The following SPAG16 variants were observed in gnomAD, a reference collection of about 807,000 sequenced individuals.
The protein encoded by SPAG16 is sperm-associated antigen 16 protein.
In SPAG16, 86 loss-of-function variants were observed where a neutral mutation model predicts 80.4. That is an observed-to-expected ratio of 1.07 (90% CI 0.90 to 1.28). The LOEUF is 1.28. Ranked by LOEUF, SPAG16 falls within the 50% of genes most tolerant of loss-of-function variation. The pLI is 0.00. For synonymous variants in SPAG16, 294 were observed against 265.9 expected (o/e 1.11, Z -1.03); for missense variants, 870 against 765.3 (o/e 1.14, Z -1.61).
intron 9 of SPAG16, among the ~76,000 whole-genome samples, chr2:213,378,329 A>G (rs577595778): frequency 6.6e-6 from 1 of 152,342 alleles, no homozygotes; most frequent in South Asian, 2.1e-4. Flanking sequence ...AGTATTAACC[A>G]TCACAAGTCC....
intron 10 of SPAG16, 33 bp downstream of exon 10, chr2:213,490,123 A>G (rs768412563): frequency 6.5e-7 from 1 of 1,537,958 alleles, no homozygotes; most frequent in South Asian, 1.3e-5. Context: ...AATACTTTTG[A>G]GATTTTATTT....
At chr2:214,038,947 G>A (rs1023224394) in intron 13 of SPAG16, among the ~76,000 whole-genome samples, 6 of 152,088 alleles carry the variant, frequency 3.9e-5, no homozygotes, top group African/African-American at 7.2e-5. Context: ...TATCATTGAC[G>A]GACATTTGGG....
At chr2:214,059,026 T>G (rs1439048638) in intron 13 of SPAG16, among the ~76,000 whole-genome samples, 1 of 151,742 alleles carries the variant, frequency 6.6e-6, no homozygotes, top group Non-Finnish European at 1.5e-5. Context: ...ATGTAAAATC[T>G]GACCAGTCAG....
chr2:213,610,760 A>T lies in SPAG16; in HGVS notation c.1070+120670A>T, dbSNP rs192433231. Among the ~76,000 whole-genome samples, 408 of 152,296 alleles carry T rather than the reference A, an allele frequency of 2.7e-3. 1 individual carries two copies. The highest frequency in any genetic ancestry group is 9.4e-3 in the African/African-American group (389 of 41,568). On this transcript the variant is annotated intron_variant, in intron 10 of 15. Transcript: ENST00000331683. ...CGTCTACCCTAGGTACAATGCTTGT[A>T]TATATATAGGATTAAAAAAAGGTCA...
intron 10 of SPAG16, among the ~76,000 whole-genome samples, chr2:213,730,693 T>A (rs2066991313): frequency 6.6e-6 from 1 of 152,222 alleles, no homozygotes; most frequent in South Asian, 2.1e-4. Flanking sequence ...GCTTCCTGAA[T>A]ATTTGGTTTA....
chr2:213,945,754 G>T (rs979941036), intron 12 of SPAG16, among the ~76,000 whole-genome samples: 2 of 152,096 alleles, frequency 1.3e-5, no homozygotes, highest in Non-Finnish European at 2.9e-5. Context: ...AAAGCAGGAA[G>T]TGTGCACTCA....
chr2:214,193,395 A>ATGTGTGTGTGTG (rs60839638), intron 15 of SPAG16, among the ~76,000 whole-genome samples: 181 of 124,370 alleles, frequency 1.5e-3, no homozygotes, highest in Non-Finnish European at 2.5e-3. Context: ...GAGATCTTTT[A>ATGTGTGTGTGTG]TGTGTGTGTG....
At chr2:213,673,173 G>C (rs2063890943) in intron 10 of SPAG16, among the ~76,000 whole-genome samples, 1 of 152,000 alleles carries the variant, frequency 6.6e-6, no homozygotes, top group Non-Finnish European at 1.5e-5. Context: ...GACTGCCACA[G>C]CATTTGGTAA....
At chr2:214,040,294 C>G (rs1162833979) in intron 13 of SPAG16, among the ~76,000 whole-genome samples, 1 of 152,026 alleles carries the variant, frequency 6.6e-6, no homozygotes, top group East Asian at 1.9e-4. Flanking sequence ...CTCTTTCTTC[C>G]ATTCTTTTAA....
chr2:214,035,548 A>T (rs1313836796), intron 13 of SPAG16, among the ~76,000 whole-genome samples: 1 of 152,196 alleles, frequency 6.6e-6, no homozygotes, highest in East Asian at 1.9e-4. Flanking sequence ...GAGTGTGCAC[A>T]CACTGGCAAC....
chr2:213,653,458 T>G (rs1271371478), intron 10 of SPAG16, among the ~76,000 whole-genome samples: 1 of 152,176 alleles, frequency 6.6e-6, no homozygotes, highest in Non-Finnish European at 1.5e-5. Flanking sequence ...TATATACAGA[T>G]AGTAAATACC....
chr2:214,072,609 G>A (rs745786345), intron 13 of SPAG16, among the ~76,000 whole-genome samples: 3 of 152,090 alleles, frequency 2.0e-5, no homozygotes, highest in African/African-American at 7.2e-5. Context: ...AATAATATGA[G>A]TTTGAAGATA....
chr2:213,596,260 T>C (rs901050232), intron 10 of SPAG16, among the ~76,000 whole-genome samples: 1 of 152,128 alleles, frequency 6.6e-6, no homozygotes, highest in Non-Finnish European at 1.5e-5. Flanking sequence ...TACATGTTGA[T>C]TTGAACTTTG....
intron 15 of SPAG16, among the ~76,000 whole-genome samples, chr2:214,180,137 A>T (rs1260089583): frequency 1.3e-5 from 2 of 151,620 alleles, no homozygotes; most frequent in African/African-American, 4.8e-5. Context: ...AAACCACCAG[A>T]AATTATAATA....
intron 12 of SPAG16, among the ~76,000 whole-genome samples, chr2:213,979,250 TA>T (rs537547069): frequency 1.1e-4 from 16 of 150,630 alleles, no homozygotes; most frequent in Middle Eastern, 3.4e-3. Flanking sequence ...CTTTTTAAAT[TA>T]AAAAAAAAGA....
chr2:213,543,337 C>G (rs1193240668), intron 10 of SPAG16, among the ~76,000 whole-genome samples: 3 of 151,812 alleles, frequency 2.0e-5, no homozygotes, highest in Non-Finnish European at 4.4e-5. Flanking sequence ...ATATTGATCC[C>G]TTGTCAGTTT....
intron 10 of SPAG16, among the ~76,000 whole-genome samples, chr2:213,656,771 T>C (rs956417186): frequency 6.6e-6 from 1 of 152,224 alleles, no homozygotes; most frequent in African/African-American, 2.4e-5. Context: ...TTGAAGAATC[T>C]CAATATTTTA....
intron 10 of SPAG16, among the ~76,000 whole-genome samples, chr2:213,764,518 A>AT (rs970079462): frequency 2.6e-5 from 4 of 151,962 alleles, no homozygotes; most frequent in Non-Finnish European, 4.4e-5. Flanking sequence ...TATTCCACAT[A>AT]TTTTTTTTAA....
intron 13 of SPAG16, among the ~76,000 whole-genome samples, chr2:214,075,369 AC>A (rs1174294515): frequency 1.3e-5 from 2 of 152,088 alleles, no homozygotes; most frequent in African/African-American, 4.8e-5. Context: ...CATAATTAAT[AC>A]CATTTATGTA....
Sources: gnomAD v4.1 joint callset for allele counts (sites outside exome capture counted in the v4.1 genomes callset) on GRCh38, gnomAD v4.1.1 for gene constraint, MANE v1.5 for transcripts, NCBI Gene and HGNC (gene_info 2026-07-23, HGNC 2026-07-21) for gene names.